Variants in KCNT2 observed in about 807,000 individuals in gnomAD.
KCNT2 encodes potassium channel subfamily T member 2.
In KCNT2, 67 loss-of-function variants were observed where a neutral mutation model predicts 153.8. That is an observed-to-expected ratio of 0.44 (90% CI 0.36 to 0.53). The LOEUF (loss-of-function observed/expected upper bound fraction) is 0.53, where lower values mean the gene tolerates loss of function less well. Ranked by LOEUF, KCNT2 falls within the 20% of genes least tolerant of loss-of-function variation. KCNT2 has a pLI of 0.00. For missense variants in KCNT2, 975 were observed against 1,354.8 expected (o/e 0.72, Z 4.40); for synonymous variants, 500 against 458.8 (o/e 1.09, Z -1.15).
intron 1 of KCNT2, among the ~76,000 whole-genome samples, chr1:196,605,770 C>T (rs1303944946): frequency 6.6e-6 from 1 of 151,940 alleles, no homozygotes; most frequent in Non-Finnish European, 1.5e-5. Context: ...CACATATTAG[C>T]TTAGGAGTCT....
chr1:196,238,239 G>A (rs978907852), intron 26 of KCNT2, among the ~76,000 whole-genome samples: 11 of 151,734 alleles, frequency 7.2e-5, no homozygotes, highest in African/African-American at 1.9e-4. Context: ...AAATTCTATC[G>A]GTGACCTGGC....
At chr1:196,319,852 A>G (rs1188716975) in intron 19 of KCNT2, among the ~76,000 whole-genome samples, 1 of 151,792 alleles carries the variant, frequency 6.6e-6, no homozygotes, top group Non-Finnish European at 1.5e-5. Context: ...TGACCAAGAA[A>G]TCTTATAAAT....
At chr1:196,377,265 C>T (rs976840839) in intron 13 of KCNT2, among the ~76,000 whole-genome samples, 1 of 151,700 alleles carries the variant, frequency 6.6e-6, no homozygotes, top group Non-Finnish European at 1.5e-5. Context: ...ATAGTATGAC[C>T]AAGCAGTGTT....
chr1:196,488,424 G>A (rs1244802382), intron 3 of KCNT2, among the ~76,000 whole-genome samples: 2 of 151,840 alleles, frequency 1.3e-5, no homozygotes, highest in African/African-American at 4.8e-5. Flanking sequence ...CTACAATTAT[G>A]GCCAAACATT....
At chr1:196,534,297 C>G (rs571345426) in intron 1 of KCNT2, among the ~76,000 whole-genome samples, 1 of 152,100 alleles carries the variant, frequency 6.6e-6, no homozygotes, top group Non-Finnish European at 1.5e-5. Context: ...ATGGAGTAAA[C>G]TGATTTCCTA....
At chr1:196,315,676 C>G (rs1662642018) in intron 21 of KCNT2, among the ~76,000 whole-genome samples, 1 of 151,658 alleles carries the variant, frequency 6.6e-6, no homozygotes, top group African/African-American at 2.4e-5. Context: ...ATATATCATT[C>G]AATTTGTTTT....
intron 8 of KCNT2, among the ~76,000 whole-genome samples, chr1:196,435,139 GTATATATATATATATATATATATA>G (rs1166021273): frequency 0.014 from 657 of 45,744 alleles, 24 homozygotes; most frequent in Non-Finnish European, 0.018. Context: ...GTGTGTGTAT[GTATATATATATATATATATATATA>G]TATATATATA....
intron 1 of KCNT2, among the ~76,000 whole-genome samples, chr1:196,553,518 G>A (rs896231017): frequency 6.6e-6 from 1 of 150,874 alleles, no homozygotes. Context: ...GCTAAAGGGA[G>A]GGACAGACCT....
At chr1:196,389,037 A>T (rs1558231064) in intron 13 of KCNT2, among the ~76,000 whole-genome samples, 3 of 151,718 alleles carry the variant, frequency 2.0e-5, no homozygotes, top group Admixed American at 6.6e-5. Context: ...GTATGCACAA[A>T]TTTTTGTTAA....
chr1:196,436,386 T>A (rs1674656068), intron 8 of KCNT2, among the ~76,000 whole-genome samples: 1 of 151,568 alleles, frequency 6.6e-6, no homozygotes, highest in Non-Finnish European at 1.5e-5. Flanking sequence ...TCAGGACAGG[T>A]AGATACACAG....
intron 1 of KCNT2, among the ~76,000 whole-genome samples, chr1:196,593,150 C>G (rs1260693938): frequency 6.6e-6 from 1 of 150,860 alleles, no homozygotes; most frequent in Non-Finnish European, 1.5e-5. Context: ...GCTTAGCTTC[C>G]ACTTATGAGT....
Position 196,332,379 on chromosome 1 carries a change from G to T in KCNT2, c.1998-1118C>A, listed in dbSNP as rs187954884. On this transcript the variant is annotated intron_variant, in intron 17 of 27. Transcript: ENST00000294725. ...GACACTGGTTGCCAAACCTATCCCT[G>T]TTCCCATCCTAGATTCCAAATACAT... is the stretch of plus-strand genomic sequence containing the variant. 9.2e-5 allele frequency among the ~76,000 whole-genome samples: 14 copies of T among 152,154 alleles called. No homozygotes were observed. The East Asian group carries it at 2.5e-3, about 27-fold the overall frequency.
At chr1:196,501,794 A>G (rs908267387) in intron 1 of KCNT2, among the ~76,000 whole-genome samples, 1 of 152,218 alleles carries the variant, frequency 6.6e-6, no homozygotes, top group Non-Finnish European at 1.5e-5. Context: ...AAAATAAACA[A>G]GTAAGCCTCC....
chr1:196,257,119 A>T, intron 26 of KCNT2: 1 of 497,398 alleles, frequency 2.0e-6, no homozygotes. Context: ...AACTTCTGAA[A>T]GTCAAAATTC....
intron 8 of KCNT2, among the ~76,000 whole-genome samples, chr1:196,452,767 G>T (rs1676333838): frequency 6.6e-6 from 1 of 151,972 alleles, no homozygotes; most frequent in African/African-American, 2.4e-5. Flanking sequence ...GAAGGCTGAT[G>T]GTGTGAGAGA....
chr1:196,402,502 A>G (rs1402289969), intron 12 of KCNT2, among the ~76,000 whole-genome samples: 1 of 151,308 alleles, frequency 6.6e-6, no homozygotes, highest in African/African-American at 2.4e-5. Context: ...TGTAATCCCT[A>G]CAGCACTCAC....
At chr1:196,330,577 A>T (rs2148097176) in intron 18 of KCNT2, among the ~76,000 whole-genome samples, 1 of 152,152 alleles carries the variant, frequency 6.6e-6, no homozygotes, top group East Asian at 1.9e-4. Context: ...AATTCATACC[A>T]GTCAAGCCCA....
chr1:196,337,399 G>A (rs1485470164), intron 16 of KCNT2, among the ~76,000 whole-genome samples: 1 of 152,076 alleles, frequency 6.6e-6, no homozygotes, highest in Non-Finnish European at 1.5e-5. Flanking sequence ...ACAGCAGCCT[G>A]AGTTGAGCAC....
chr1:196,259,973 A>G (rs1656856934), intron 25 of KCNT2, among the ~76,000 whole-genome samples: 1 of 151,904 alleles, frequency 6.6e-6, no homozygotes, highest in African/African-American at 2.4e-5. Context: ...CTTCTGTGGA[A>G]GTAAAACACA....
Sources: allele counts gnomAD v4.1 joint callset (sites outside exome capture counted in the v4.1 genomes callset), GRCh38; gene constraint gnomAD v4.1.1; transcripts MANE v1.5; gene names NCBI Gene and HGNC (gene_info 2026-07-23, HGNC 2026-07-21).